The following PTPRT variants were observed in gnomAD, a reference collection of about 807,000 sequenced individuals.
The protein encoded by PTPRT is receptor-type tyrosine-protein phosphatase T.
A neutral mutation model predicts 176.8 loss-of-function variants in PTPRT; 56 were observed. The observed-to-expected ratio is 0.32, with a 90% CI of 0.26 to 0.40. PTPRT has a LOEUF of 0.40. Among genes scored for constraint, PTPRT ranks in the 10% least tolerant of loss-of-function variants. PTPRT has a pLI of 1.00. For missense variants in PTPRT, 1,540 were observed against 1,908.2 expected, an observed-to-expected ratio of 0.81 and a Z score of 3.60; for synonymous variants, 783 against 739.0, an observed-to-expected ratio of 1.06 and a Z score of -0.96.
intron 6 of PTPRT, among the ~76,000 whole-genome samples, chr20:42,742,069 C>T (rs1226360278): frequency 6.6e-6 from 1 of 152,190 alleles, no homozygotes; most frequent in East Asian, 1.9e-4. Context: ...AGAAAAGCCA[C>T]AGAGATGAGT....
intron 1 of PTPRT, among the ~76,000 whole-genome samples, chr20:43,062,190 TC>T (rs1987491702): frequency 6.6e-6 from 1 of 152,186 alleles, no homozygotes; most frequent in Non-Finnish European, 1.5e-5. Flanking sequence ...TGCACATTGG[TC>T]AAAACCAAAA....
At chr20:43,074,154 T>C (rs981756268) in intron 1 of PTPRT, among the ~76,000 whole-genome samples, 1 of 152,098 alleles carries the variant, frequency 6.6e-6, no homozygotes, top group African/African-American at 2.4e-5. Context: ...AAAGACTTCT[T>C]AAGGGGGATG....
At position 42,472,340 on chromosome 20, in the gene PTPRT, C is replaced by T. The variant is rs868706902; in HGVS notation, c.1376G>A (p.Arg459Gln). Residue 459 changes from arginine to glutamine, a missense_variant, in exon 8 of 31, where the codon CGG becomes CAG. Coordinates refer to ENST00000373187, the MANE Select transcript of PTPRT (RefSeq NM_007050.6). Reference protein sequence around the residue: ...LRGLRPFMTIRLRLLLSNPEG... With the variant: ...LRGLRPFMTIQLRLLLSNPEG... ...GGGGTTAGACAGCAAGAGTCGCAGC[C>T]GGATGGTCATGAAGGGGCGCAGGCC... 38 of 1,614,084 alleles carry T rather than the reference C, an allele frequency of 2.4e-5. No homozygotes were observed. In the Middle Eastern group the frequency reaches 3.0e-3, roughly 126 times the overall value.
intron 1 of PTPRT, among the ~76,000 whole-genome samples, chr20:42,892,658 T>A: frequency 6.6e-6 from 1 of 152,148 alleles, no homozygotes; most frequent in Admixed American, 6.5e-5. Context: ...TGCTCCCTGA[T>A]CCATAGCTGG....
chr20:42,673,282 A>G (rs1425547296), intron 7 of PTPRT, among the ~76,000 whole-genome samples: 1 of 152,230 alleles, frequency 6.6e-6, no homozygotes, highest in Non-Finnish European at 1.5e-5. Context: ...ACATCCTTCC[A>G]AAGAGCCATG....
intron 7 of PTPRT, among the ~76,000 whole-genome samples, chr20:42,497,752 T>C (rs929000399): frequency 6.6e-6 from 1 of 152,152 alleles, no homozygotes; most frequent in South Asian, 2.1e-4. Flanking sequence ...ATGCCTTTCT[T>C]ATAGAAATCC....
In PTPRT at chr20:42,178,695, C is replaced by T. The variant is rs371677631; in HGVS notation, c.2492-17153G>A. Among the ~76,000 whole-genome samples the T allele has an allele frequency of 1.1e-4, 17 of 152,234 alleles. No individual in the cohort carries two copies. In the South Asian group the frequency reaches 1.9e-3, roughly 17 times the overall value. ...TTTGTGAGGTTGCACTCAAGCTGAC[C>T]GCTGTGGTAATGATCTCATCTGAAG... is the stretch of plus-strand genomic sequence containing the variant. On this transcript the variant is annotated intron_variant, in intron 16 of 30. Coordinates refer to ENST00000373187, the MANE Select transcript of PTPRT (RefSeq NM_007050.6).
intron 1 of PTPRT, among the ~76,000 whole-genome samples, chr20:42,925,420 G>A (rs1979417573): frequency 6.6e-6 from 1 of 152,058 alleles, no homozygotes; most frequent in Non-Finnish European, 1.5e-5. Flanking sequence ...GTTCCTCCTA[G>A]GGAAAAATGA....
intron 1 of PTPRT, among the ~76,000 whole-genome samples, chr20:42,906,701 T>C (rs1360610582): frequency 2.0e-5 from 3 of 152,152 alleles, no homozygotes; most frequent in African/African-American, 7.2e-5. Flanking sequence ...AGCAGGGCAC[T>C]GAAGAAGTGA....
At chr20:43,027,630 G>T (rs2146190409) in intron 1 of PTPRT, among the ~76,000 whole-genome samples, 1 of 152,256 alleles carries the variant, frequency 6.6e-6, no homozygotes, top group South Asian at 2.1e-4. Flanking sequence ...TGCAAGCCAA[G>T]GAGAGAGGCC....
intron 1 of PTPRT, among the ~76,000 whole-genome samples, chr20:43,022,337 C>T (rs754194118): frequency 6.6e-6 from 1 of 152,190 alleles, no homozygotes; most frequent in Non-Finnish European, 1.5e-5. Context: ...AGAGGAGACT[C>T]TCAAAAGTCC....
intron 1 of PTPRT, among the ~76,000 whole-genome samples, chr20:42,901,028 C>A (rs1393728269): frequency 6.6e-6 from 1 of 152,198 alleles, no homozygotes; most frequent in Non-Finnish European, 1.5e-5. Flanking sequence ...GTTCCATATG[C>A]TGCAAAGGAA....
rs73121806 is a variant in PTPRT at position 42,320,716 on chromosome 20, G to A, written c.1866-4720C>T. Among the ~76,000 whole-genome samples, 44 of 152,254 alleles carry A rather than the reference G, an allele frequency of 2.9e-4. 1 individual carries two copies. The highest frequency in any genetic ancestry group is 7.0e-4 in the African/African-American group (29 of 41,540). The stretch of plus-strand genomic sequence containing the variant: ...GATATCAGGCAAAGTCCCAGTCTTA[G>A]CCTGATCTCATAGGGAGCTCTGGAG... On this transcript the variant is annotated intron_variant, in intron 11 of 30. Transcript: ENST00000373187.
At chr20:43,081,035 T>A (rs1219962774) in intron 1 of PTPRT, among the ~76,000 whole-genome samples, 3 of 152,252 alleles carry the variant, frequency 2.0e-5, no homozygotes, top group African/African-American at 4.8e-5. Context: ...CGATGTTAGA[T>A]TTAGAATGTT....
chr20:43,186,561 T>C (rs2015397842), intron 1 of PTPRT, among the ~76,000 whole-genome samples: 1 of 152,194 alleles, frequency 6.6e-6, no homozygotes, highest in Non-Finnish European at 1.5e-5. Context: ...CTACATGGAA[T>C]ACCATCTCAG....
intron 7 of PTPRT, among the ~76,000 whole-genome samples, chr20:42,649,678 G>C (rs2074993508): frequency 6.6e-6 from 1 of 152,172 alleles, no homozygotes; most frequent in Non-Finnish European, 1.5e-5. Flanking sequence ...GGAAGGTCCT[G>C]AAAGAGCCCC....
chr20:42,446,613 T>C (rs1568886377), intron 9 of PTPRT, among the ~76,000 whole-genome samples: 2 of 148,960 alleles, frequency 1.3e-5, no homozygotes, highest in Middle Eastern at 3.5e-3. Context: ...TGTGTGTGTG[T>C]GTGTGTGTGA....
At chr20:43,168,302 C>A (rs1352179742) in intron 1 of PTPRT, among the ~76,000 whole-genome samples, 1 of 152,196 alleles carries the variant, frequency 6.6e-6, no homozygotes, top group East Asian at 1.9e-4. Flanking sequence ...GAAAATCAAA[C>A]CATGTCATTG....
At chr20:43,071,692 G>A (rs2011183195) in intron 1 of PTPRT, among the ~76,000 whole-genome samples, 1 of 152,196 alleles carries the variant, frequency 6.6e-6, no homozygotes, top group African/African-American at 2.4e-5. Flanking sequence ...GGCTGAGTCA[G>A]GAGAATCGCT....
Sources: allele counts gnomAD v4.1 joint callset (sites outside exome capture counted in the v4.1 genomes callset), GRCh38; gene constraint gnomAD v4.1.1; transcripts MANE v1.5; gene names NCBI Gene and HGNC (gene_info 2026-07-23, HGNC 2026-07-21).